NRF1: variants seen among roughly 807,000 people sequenced by gnomAD.
NRF1 encodes alpha palindromic-binding protein.
In NRF1, 5 loss-of-function variants were observed where a neutral mutation model predicts 58.5. That is an observed-to-expected ratio of 0.09 (90% CI 0.04 to 0.18). The LOEUF (loss-of-function observed/expected upper bound fraction) is 0.18. Among genes scored for constraint, NRF1 ranks in the 10% least tolerant of loss-of-function variants. The probability of loss-of-function intolerance (pLI) is 1.00; values close to 1 mark genes in which losing one functional copy is unlikely to be tolerated. For synonymous variants in NRF1, 224 were observed against 246.7 expected (o/e 0.91, Z 0.86); for missense variants, 288 against 657.7 (o/e 0.44, Z 6.15).
At chr7:129,747,960 T>G (rs775999902) in intron 10 of NRF1, among the ~76,000 whole-genome samples, 15 of 152,174 alleles carry the variant, frequency 9.9e-5, no homozygotes, top group Non-Finnish European at 1.9e-4. Context: ...GCACCTACTG[T>G]GTTCAAGTTG....
intron 1 of NRF1, among the ~76,000 whole-genome samples, chr7:129,655,952 A>G (rs2402965): frequency 0.88 from 134,026 of 152,184 alleles, 59,099 homozygotes; most frequent in East Asian, 0.93. Flanking sequence ...TCCTTTTTAA[A>G]ACTGAATAAT....
rs557357108 is a variant in NRF1, at chr7:129,742,286, A to C, written c.1349-12732A>C. ...TAAGTGAAATTGATTAAAAAAAAAA[A>C]AAAAAACAAAAAACTTTGCCATCAT... On this transcript the variant is annotated intron_variant, in intron 10 of 10. Coordinates refer to ENST00000393232, the MANE Select transcript of NRF1 (RefSeq NM_005011.5). 1.7e-3 allele frequency among the ~76,000 whole-genome samples: 260 copies of C among 151,634 alleles called. 1 individual carries two copies. Among genetic ancestry groups the C allele is most frequent in the African/African-American group, 4.9e-3 (204 of 41,474 alleles).
At chr7:129,657,237 T>A in intron 1 of NRF1, 109 bp from the exon 2 acceptor site, 1 of 750,646 alleles carries the variant, frequency 1.3e-6, no homozygotes, top group Non-Finnish European at 2.2e-6. Flanking sequence ...GTAGTGAAAT[T>A]GGAATTTTGT....
intron 6 of NRF1, among the ~76,000 whole-genome samples, chr7:129,709,496 G>A (rs1803022044): frequency 1.3e-5 from 2 of 152,156 alleles, no homozygotes; most frequent in South Asian, 4.2e-4. Flanking sequence ...TTTATGAAGT[G>A]CTTGGGAAAG....
intron 4 of NRF1, among the ~76,000 whole-genome samples, chr7:129,680,221 G>A (rs979376917): frequency 2.6e-5 from 4 of 151,776 alleles, no homozygotes; most frequent in Non-Finnish European, 5.9e-5. Flanking sequence ...ATCACATTTC[G>A]ATTTTCATTT....
intron 10 of NRF1, among the ~76,000 whole-genome samples, chr7:129,749,377 AGAG>A (rs985259935): frequency 6.6e-6 from 1 of 151,876 alleles, no homozygotes; most frequent in African/African-American, 2.4e-5. Context: ...ATTTGGGAAG[AGAG>A]GAGACTTGGG....
intron 4 of NRF1, among the ~76,000 whole-genome samples, chr7:129,687,896 G>A (rs1176616511): frequency 6.6e-6 from 1 of 152,214 alleles, no homozygotes; most frequent in Non-Finnish European, 1.5e-5. Flanking sequence ...AGCTTAGATA[G>A]AAATGCTTTG....
chr7:129,629,141 T>C (rs866434437), intron 1 of NRF1, among the ~76,000 whole-genome samples: 7 of 152,366 alleles, frequency 4.6e-5, no homozygotes, highest in Admixed American at 6.5e-5. Context: ...TTTTAATTTT[T>C]GAGAAAATGT....
At chr7:129,668,301 CTTAT>C (rs770221391) in intron 2 of NRF1, among the ~76,000 whole-genome samples, 2 of 152,120 alleles carry the variant, frequency 1.3e-5, no homozygotes, top group Admixed American at 6.5e-5. Context: ...TAGTTATGCT[CTTAT>C]TTATTTATCT....
chr7:129,656,360 C>T (rs2151075214), intron 1 of NRF1, among the ~76,000 whole-genome samples: 1 of 150,732 alleles, frequency 6.6e-6, no homozygotes, highest in South Asian at 2.1e-4. Context: ...ATGAAAAAGA[C>T]AGACAATATG....
rs759934262 is a variant in NRF1 at position 129,657,493 on chromosome 7, C to T, written c.142C>T (p.Pro48Ser). ...TGCTGATGAAGACTCGCCTTCTTCT[C>T]CCGAGGACACCTCTTACGATGACTC... Reference protein sequence around the residue: ...LSADEDSPSSPEDTSYDDSDI... With the variant: ...LSADEDSPSSSEDTSYDDSDI... The change falls in exon 2 of 11, where the codon CCC becomes TCC. Residue 48 changes from proline (P) to serine (S), a missense_variant. By Grantham distance (74) the Pro-to-Ser change is moderately conservative. This residue lies in a region of NRF1 where 48 missense variants were observed against 65.5 expected (regional missense o/e 0.73). Coordinates refer to ENST00000393232, the MANE Select transcript of NRF1 (RefSeq NM_005011.5). 1 of 1,614,076 alleles carries T rather than the reference C, an allele frequency of 6.2e-7. No homozygotes were observed. Among genetic ancestry groups the T allele is most frequent in the South Asian group, 1.1e-5 (1 of 91,084 alleles).
At chr7:129,725,491 C>G (rs1225602307) in intron 9 of NRF1, among the ~76,000 whole-genome samples, 2 of 152,072 alleles carry the variant, frequency 1.3e-5, no homozygotes, top group East Asian at 3.9e-4. Flanking sequence ...CCACACCTGG[C>G]TAATTTTGTA....
Position 129,711,520 on chromosome 7 carries a change from T to C in NRF1, c.1009T>C (p.Leu337=). 1 of 1,612,882 alleles carries C rather than the reference T, an allele frequency of 6.2e-7. No homozygotes were observed. Among genetic ancestry groups the C allele is most frequent in the Non-Finnish European group, 8.5e-7 (1 of 1,179,534 alleles). ...TVATLADASE[L]PTTVTVAQVN... Reference sequence around the variant, plus strand: ...AGCCACATTGGCTGATGCTTCAGAATTGCCAACCACGGTCACCGTTGCCCA... The same window carrying C: ...AGCCACATTGGCTGATGCTTCAGAACTGCCAACCACGGTCACCGTTGCCCA... Residue 337 remains leucine (L), a synonymous_variant, in exon 8 of 11, where the codon TTG becomes CTG. Transcript: ENST00000393232.
intron 3 of NRF1, among the ~76,000 whole-genome samples, chr7:129,673,391 A>G (rs1802093599): frequency 6.6e-6 from 1 of 152,186 alleles, no homozygotes; most frequent in Admixed American, 6.5e-5. Flanking sequence ...TTTCAGAGGG[A>G]AGAGGCAGTG....
At chr7:129,619,676 T>A (rs1800748124) in intron 1 of NRF1, among the ~76,000 whole-genome samples, 1 of 149,222 alleles carries the variant, frequency 6.7e-6, no homozygotes, top group South Asian at 2.1e-4. Flanking sequence ...GCAGCTTAAA[T>A]GCTTTGGGAG....
intron 5 of NRF1, among the ~76,000 whole-genome samples, chr7:129,693,329 T>C (rs998243438): frequency 6.6e-5 from 10 of 152,178 alleles, no homozygotes; most frequent in Admixed American, 2.0e-4. Context: ...ATTTTATAAA[T>C]ATAAACCTAA....
chr7:129,676,811 T>C (rs1238790619), intron 3 of NRF1, among the ~76,000 whole-genome samples: 1 of 152,196 alleles, frequency 6.6e-6, no homozygotes, highest in Non-Finnish European at 1.5e-5. Flanking sequence ...TCCCAGATAG[T>C]ATCTGTGAAA....
At chr7:129,635,640 A>G (rs140864735) in intron 1 of NRF1, among the ~76,000 whole-genome samples, 1 of 152,314 alleles carries the variant, frequency 6.6e-6, no homozygotes, top group Non-Finnish European at 1.5e-5. Context: ...CGCAGGGTTC[A>G]GACTCTCCTG....
chr7:129,622,577 T>C (rs1039762194), intron 1 of NRF1, among the ~76,000 whole-genome samples: 9 of 151,020 alleles, frequency 6.0e-5, no homozygotes, highest in Admixed American at 5.3e-4. Context: ...TTTTCTTTTT[T>C]TTTTTTTTTT....
Sources: gnomAD v4.1 joint callset for allele counts (sites outside exome capture counted in the v4.1 genomes callset) on GRCh38, gnomAD v4.1.1 for gene constraint, gnomAD v4.1.1 regional missense constraint, MANE v1.5 for transcripts, NCBI Gene and HGNC (gene_info 2026-07-23, HGNC 2026-07-21) for gene names.